LYRM4: variants seen among roughly 807,000 people sequenced by gnomAD.
LYRM4 encodes the protein LYR motif containing 4.
LYRM4 carries 9 observed loss-of-function variants against 11.7 expected under a neutral mutation model. That is an observed-to-expected ratio of 0.77 (90% confidence interval 0.46 to 1.34). The LOEUF (loss-of-function observed/expected upper bound fraction) is 1.34. Among genes scored for constraint, LYRM4 ranks in the 40% most tolerant of loss-of-function variants. LYRM4 has a pLI of 0.00. For synonymous variants in LYRM4, 42 were observed against 40.4 expected, an observed-to-expected ratio of 1.04 and a Z score of -0.15; for missense variants, 133 against 112.5, an observed-to-expected ratio of 1.18 and a Z score of -0.82.
At chr6:5,126,562 A>G (rs1306632616) in intron 2 of LYRM4, among the ~76,000 whole-genome samples, 3 of 152,256 alleles carry the variant, frequency 2.0e-5, no homozygotes, top group Non-Finnish European at 2.9e-5. Context: ...CACAACCGCC[A>G]AGAAGTGAAA....
At chr6:5,107,049 C>G (rs1490974412), downstream of LYRM4, 1 of 152,262 alleles carries the variant, frequency 6.6e-6, no homozygotes, top group Non-Finnish European at 1.5e-5. Context: ...CTCTGCCTGC[C>G]AGATATACAC....
intron 2 of LYRM4, among the ~76,000 whole-genome samples, chr6:5,204,641 T>C (rs1284108982): frequency 6.6e-6 from 1 of 152,138 alleles, no homozygotes; most frequent in Non-Finnish European, 1.5e-5. Context: ...TTTTTTTCCC[T>C]TTCCTCTCCT....
intron 1 of LYRM4, among the ~76,000 whole-genome samples, chr6:5,242,476 T>C (rs1489830727): frequency 6.6e-6 from 1 of 151,398 alleles, no homozygotes; most frequent in Non-Finnish European, 1.5e-5. Context: ...TCCCAGCACT[T>C]TGGGGGGCCG....
chr6:5,233,143 C>T (rs1353962221), intron 1 of LYRM4, among the ~76,000 whole-genome samples: 1 of 152,178 alleles, frequency 6.6e-6, no homozygotes, highest in African/African-American at 2.4e-5. Flanking sequence ...CTGAAGACGC[C>T]CTGCCTCCCA....
At chr6:5,190,764 G>A (rs1464199549) in intron 2 of LYRM4, among the ~76,000 whole-genome samples, 2 of 152,170 alleles carry the variant, frequency 1.3e-5, no homozygotes, top group South Asian at 4.2e-4. Context: ...TGGAATGCTG[G>A]GGTCAGAGAA....
intron 1 of LYRM4, among the ~76,000 whole-genome samples, chr6:5,248,702 G>A (rs1377017481): frequency 1.3e-5 from 2 of 152,336 alleles, no homozygotes; most frequent in South Asian, 2.1e-4. Flanking sequence ...TTCGGGTTAG[G>A]CTGCTGTCTC....
At chr6:5,226,097 G>A (rs1458556803) in intron 1 of LYRM4, among the ~76,000 whole-genome samples, 2 of 152,136 alleles carry the variant, frequency 1.3e-5, no homozygotes, top group Non-Finnish European at 2.9e-5. Flanking sequence ...TTGCCATTTG[G>A]CTATGTTTAT....
intron 1 of LYRM4, among the ~76,000 whole-genome samples, chr6:5,219,654 G>A (rs1762470458): frequency 6.6e-6 from 1 of 151,368 alleles, no homozygotes; most frequent in South Asian, 2.1e-4. Flanking sequence ...GTGGGAGGGG[G>A]CTAATCACCA....
intron 2 of LYRM4, among the ~76,000 whole-genome samples, chr6:5,133,728 C>T (rs575102884): frequency 4.9e-4 from 74 of 152,180 alleles, no homozygotes; most frequent in Non-Finnish European, 9.3e-4. Context: ...ATTTTCATCA[C>T]CCCCAAAAGG....
At chr6:5,038,443 G>A in the LYRM4 span, among the ~76,000 whole-genome samples, 3 of 67,450 alleles carry the variant, frequency 4.4e-5, no homozygotes, top group African/African-American at 1.2e-4. Context: ...CCCAGACGAT[G>A]GGGGGCCAGG....
At chr6:5,202,068 T>C (rs1018235169) in intron 2 of LYRM4, among the ~76,000 whole-genome samples, 1 of 152,266 alleles carries the variant, frequency 6.6e-6, no homozygotes, top group Admixed American at 6.5e-5. Context: ...AGTTAACTGC[T>C]TCAGCCTCCA....
At chr6:5,151,713 C>T (rs1758099664) in intron 2 of LYRM4, among the ~76,000 whole-genome samples, 1 of 152,298 alleles carries the variant, frequency 6.6e-6, no homozygotes, top group Middle Eastern at 3.4e-3. Context: ...TGACTAGGGG[C>T]AGATTATTTA....
the LYRM4 span, among the ~76,000 whole-genome samples, chr6:5,034,941 G>A: frequency 6.6e-6 from 1 of 151,738 alleles, no homozygotes; most frequent in East Asian, 1.9e-4. Context: ...TTGCAGATCA[G>A]GAGGCTGTGG....
intron 2 of LYRM4, among the ~76,000 whole-genome samples, chr6:5,202,362 G>C (rs949760765): frequency 6.6e-6 from 1 of 152,206 alleles, no homozygotes; most frequent in Non-Finnish European, 1.5e-5. Context: ...AGAGGGGCCT[G>C]GCTCATTGTG....
intron 2 of LYRM4, among the ~76,000 whole-genome samples, chr6:5,166,553 C>T (rs1026850146): frequency 6.6e-6 from 1 of 152,166 alleles, no homozygotes; most frequent in Non-Finnish European, 1.5e-5. Context: ...TCTAGGATAT[C>T]GGTCCAAGAG....
intron 1 of LYRM4, among the ~76,000 whole-genome samples, chr6:5,226,795 C>T (rs997309872): frequency 1.3e-5 from 2 of 152,124 alleles, no homozygotes; most frequent in African/African-American, 2.4e-5. Context: ...ACAATAATTA[C>T]TTTTGGTTAT....
intron 2 of LYRM4, among the ~76,000 whole-genome samples, chr6:5,191,135 TG>T (rs1384330910): frequency 3.3e-5 from 5 of 152,082 alleles, no homozygotes; most frequent in African/African-American, 1.2e-4. Context: ...ATTCAACATT[TG>T]GGGGAAACAA....
intron 1 of LYRM4, among the ~76,000 whole-genome samples, chr6:5,247,622 A>T (rs78031402): frequency 0.013 from 2,013 of 152,358 alleles, 17 homozygotes; most frequent in Non-Finnish European, 0.02. Flanking sequence ...ATTATGCTAC[A>T]GAGTAATATT....
At chr6:5,126,509 AC>A (rs1369616250) in intron 2 of LYRM4, among the ~76,000 whole-genome samples, 2 of 152,240 alleles carry the variant, frequency 1.3e-5, no homozygotes, top group Non-Finnish European at 2.9e-5. Context: ...ATGAAAACAT[AC>A]GCCTCAGAAA....
Sources: gnomAD v4.1 joint callset for allele counts (sites outside exome capture counted in the v4.1 genomes callset) on GRCh38, gnomAD v4.1.1 for gene constraint, MANE v1.5 for transcripts, NCBI Gene and HGNC (gene_info 2026-07-23, HGNC 2026-07-21) for gene names.